COPS3: variants seen among roughly 807,000 people sequenced by gnomAD.
COPS3 encodes the protein COP9 signalosome subunit 3, also known as COP9 signalosome complex subunit 3.
Under a neutral mutation model 58.2 loss-of-function variants are expected in COPS3, and 10 were observed. The observed-to-expected ratio is 0.17, with a 90% confidence interval of 0.11 to 0.29. The LOEUF (loss-of-function observed/expected upper bound fraction) is 0.29, where lower values mean the gene tolerates loss of function less well. Ranked by LOEUF, COPS3 falls within the 10% of genes least tolerant of loss-of-function variation. The probability of loss-of-function intolerance (pLI) is 1.00; values close to 1 mark genes in which losing one functional copy is unlikely to be tolerated. For missense variants in COPS3, 333 were observed against 510.1 expected, an observed-to-expected ratio of 0.65 and a Z score of 3.34; for synonymous variants, 187 against 181.7, an observed-to-expected ratio of 1.03 and a Z score of -0.24.
intron 8 of COPS3, among the ~76,000 whole-genome samples, chr17:17,259,816 C>T (rs1444553984): frequency 6.6e-6 from 1 of 151,964 alleles, no homozygotes; most frequent in Non-Finnish European, 1.5e-5. Flanking sequence ...ATCACTTGAG[C>T]TCAGGAGGCA....
rs2047743211 is a variant in COPS3, at chr17:17,247,210, A to T, written c.1219-59T>A. 1.9e-5 allele frequency: 28 copies of T among 1,506,348 alleles called. 1 individual carries two copies. The South Asian group carries it at 3.2e-4, about 17-fold the overall frequency. 93.3% of individuals were successfully genotyped at this position (1,506,348 alleles called of 1,614,324 possible). On this transcript the variant is annotated intron_variant, in intron 11 of 11. Transcript: ENST00000268717. Reference sequence around the variant, plus strand: ...TTGCTTTTATCAAGGGTTCCCCGGCAGCCCAATAAGCACACCAGTTGCCCT... The same window carrying T: ...TTGCTTTTATCAAGGGTTCCCCGGCTGCCCAATAAGCACACCAGTTGCCCT...
At chr17:17,266,195 G>C (rs12947291) in intron 5 of COPS3, among the ~76,000 whole-genome samples, 1 of 151,848 alleles carries the variant, frequency 6.6e-6, no homozygotes, top group Non-Finnish European at 1.5e-5. Context: ...TAAAACCATC[G>C]CATACTCATA....
chr17:17,270,435 T>G (rs1210288939), intron 4 of COPS3, among the ~76,000 whole-genome samples: 1 of 152,162 alleles, frequency 6.6e-6, no homozygotes, highest in Non-Finnish European at 1.5e-5. Flanking sequence ...TAAAATAATG[T>G]CCTAATTAAA....
intron 5 of COPS3, among the ~76,000 whole-genome samples, chr17:17,266,813 A>G (rs2048232736): frequency 6.6e-6 from 1 of 151,808 alleles, no homozygotes; most frequent in Non-Finnish European, 1.5e-5. Context: ...AATAAAAAAA[A>G]AAAAGATAAA....
intron 4 of COPS3, 92 bp downstream of exon 4, chr17:17,270,666 C>T (rs2048324201): frequency 3.5e-6 from 4 of 1,131,880 alleles, no homozygotes. Context: ...GGTGGATGCT[C>T]AGTACTAACT....
chr17:17,271,855 TATAC>T (rs1159832949), intron 2 of COPS3, among the ~76,000 whole-genome samples: 4 of 136,212 alleles, frequency 2.9e-5, no homozygotes, highest in Admixed American at 7.8e-5. Context: ...TATATATATA[TATAC>T]ACACATACAC....
intron 9 of COPS3, among the ~76,000 whole-genome samples, chr17:17,253,103 G>C (rs561536992): frequency 2.6e-5 from 4 of 152,126 alleles, no homozygotes; most frequent in Non-Finnish European, 4.4e-5. Flanking sequence ...GCACACATCT[G>C]TAGTCACAGC....
rs963001342 is a variant in COPS3 at position 17,280,602 on chromosome 17, G to C, written c.55+530C>G. On this transcript the variant is annotated intron_variant, in intron 1 of 11. Transcript: ENST00000268717. ...CGAGAGCTTCCGCAGCATTCTGTAG[G>C]ACCAAAATAGGCGCACAGGTTCCCG... The C allele has an allele frequency of 2.3e-6, 3 of 1,302,364 alleles. No homozygotes were observed. The Admixed American group carries it at 6.9e-5, about 30-fold the overall frequency. The allele number at this position is 1,302,364 out of a possible 1,614,324, so 80.7% of individuals were successfully genotyped here.
intron 5 of COPS3, among the ~76,000 whole-genome samples, chr17:17,265,474 C>A (rs2145226924): frequency 6.6e-6 from 1 of 151,656 alleles, no homozygotes; most frequent in South Asian, 2.1e-4. Flanking sequence ...TCTCAGCTCA[C>A]TGCAACCTCC....
intron 9 of COPS3, among the ~76,000 whole-genome samples, chr17:17,252,209 G>A (rs907517080): frequency 3.3e-5 from 5 of 152,064 alleles, no homozygotes; most frequent in Non-Finnish European, 5.9e-5. Context: ...GTGTTTAGCC[G>A]TACACTTAAG....
chr17:17,255,485 C>CAAAAAAAAAAAAAAAAAAAA (rs10529108), intron 8 of COPS3, among the ~76,000 whole-genome samples: 1 of 129,034 alleles, frequency 7.7e-6, no homozygotes, highest in African/African-American at 3.1e-5. Flanking sequence ...GACTCTATTT[C>CAAAAAAAAAAAAAAAAAAAA]AAAAAAAAAA....
At chr17:17,273,876 G>A (rs563332395) in intron 2 of COPS3, among the ~76,000 whole-genome samples, 1 of 152,250 alleles carries the variant, frequency 6.6e-6, no homozygotes, top group South Asian at 2.1e-4. Flanking sequence ...AGTTAGCTGA[G>A]TGTGGTGGCA....
At chr17:17,248,739 C>T (rs1020259908) in intron 10 of COPS3, among the ~76,000 whole-genome samples, 187 bp downstream of exon 10, 3 of 152,148 alleles carry the variant, frequency 2.0e-5, no homozygotes, top group African/African-American at 7.2e-5. Flanking sequence ...TCACTGTAAC[C>T]CGTCTCCAGG....
Position 17,281,221 on chromosome 17 carries a change from C to G in COPS3, c.-35G>C. 1 of 1,596,790 alleles carries G rather than the reference C, an allele frequency of 6.3e-7. No homozygotes were observed. The highest frequency in any genetic ancestry group is 2.3e-5 in the East Asian group (1 of 44,398). On this transcript the variant is annotated 5_prime_UTR_variant, in exon 1 of 12. Transcript: ENST00000268717. Reference sequence around the variant, plus strand: ...CGGGCGGCCCGAGCGGCGAAGGCAGCACGCGCGGGAAAAGGCTGCCGCTCT... The same window carrying G: ...CGGGCGGCCCGAGCGGCGAAGGCAGGACGCGCGGGAAAAGGCTGCCGCTCT...
chr17:17,260,269 G>T (rs781153390), intron 8 of COPS3, 32 bp downstream of exon 8: 28 of 1,606,426 alleles, frequency 1.7e-5, no homozygotes, highest in Non-Finnish European at 2.4e-5. Context: ...AGGGGGTCAG[G>T]AGCTGCCCTG....
intron 1 of COPS3, among the ~76,000 whole-genome samples, chr17:17,277,480 T>C (rs2048484786): frequency 6.6e-6 from 1 of 152,226 alleles, no homozygotes; most frequent in South Asian, 2.1e-4. Flanking sequence ...TGCAGTGGTG[T>C]GATCACAGCT....
At chr17:17,254,990 G>T in intron 8 of COPS3, 45 bp from the exon 9 acceptor site, 2 of 1,375,440 alleles carry the variant, frequency 1.5e-6, no homozygotes, top group Non-Finnish European at 1.0e-6. Flanking sequence ...AACAACGAAG[G>T]AAGGACATTT....
At chr17:17,257,958 C>T (rs1349138832) in intron 8 of COPS3, among the ~76,000 whole-genome samples, 1 of 152,156 alleles carries the variant, frequency 6.6e-6, no homozygotes, top group Non-Finnish European at 1.5e-5. Context: ...CCTGTTGAGA[C>T]TTCTTTGGAT....
intron 4 of COPS3, 67 bp downstream of exon 4, chr17:17,270,691 G>A: frequency 1.5e-6 from 2 of 1,355,842 alleles, no homozygotes; most frequent in Non-Finnish European, 2.1e-6. Flanking sequence ...TCTTGATAAA[G>A]TAATTCATTG....
Sources: allele counts gnomAD v4.1 joint callset (sites outside exome capture counted in the v4.1 genomes callset), GRCh38; gene constraint gnomAD v4.1.1; transcripts MANE v1.5; gene names NCBI Gene and HGNC (gene_info 2026-07-23, HGNC 2026-07-21).